The following DCC variants were observed in gnomAD, a reference collection of about 807,000 sequenced individuals.
DCC encodes DCC netrin 1 receptor.
DCC carries 58 observed loss-of-function variants against 172.5 expected under a neutral mutation model. That is an observed-to-expected ratio of 0.34 (90% CI 0.27 to 0.42). DCC has a LOEUF of 0.42. Ranked by LOEUF, DCC falls within the 10% of genes least tolerant of loss-of-function variation. The pLI is 1.00. For missense variants in DCC, 1,740 were observed against 1,791.0 expected (o/e 0.97, Z 0.51); for synonymous variants, 709 against 644.5 (o/e 1.10, Z -1.52).
At chr18:53,130,977 T>C (rs2043642985) in intron 7 of DCC, among the ~76,000 whole-genome samples, 1 of 152,134 alleles carries the variant, frequency 6.6e-6, no homozygotes, top group Non-Finnish European at 1.5e-5. Context: ...AAAACTGTAT[T>C]TGCTGATGAA....
chr18:52,725,828 C>T (rs2036543706), intron 1 of DCC, among the ~76,000 whole-genome samples: 1 of 152,184 alleles, frequency 6.6e-6, no homozygotes, highest in Non-Finnish European at 1.5e-5. Flanking sequence ...GATCAGTTCA[C>T]ACTTGAGTCA....
intron 1 of DCC, among the ~76,000 whole-genome samples, chr18:52,385,222 G>A (rs150433670): frequency 5.8e-4 from 89 of 152,232 alleles, no homozygotes; most frequent in African/African-American, 2.0e-3. Context: ...AGTGGAATGT[G>A]TGGTATGAAA....
chr18:53,062,279 G>T (rs968606326), intron 5 of DCC, among the ~76,000 whole-genome samples: 58 of 152,062 alleles, frequency 3.8e-4, no homozygotes, highest in Non-Finnish European at 1.6e-4. Flanking sequence ...TCAGGAGAAA[G>T]TTTTTCTGAT....
chr18:52,631,968 T>C (rs2034686252), intron 1 of DCC, among the ~76,000 whole-genome samples: 1 of 152,196 alleles, frequency 6.6e-6, no homozygotes, highest in African/African-American at 2.4e-5. Flanking sequence ...TTCCAGAGTC[T>C]TTCTCTCCAA....
At chr18:53,413,761 T>C (rs1214328993) in intron 20 of DCC, among the ~76,000 whole-genome samples, 1 of 152,168 alleles carries the variant, frequency 6.6e-6, no homozygotes, top group East Asian at 1.9e-4. Context: ...CACCTAAATA[T>C]GAGATGCTGA....
chr18:52,554,310 A>G (rs2032852684), intron 1 of DCC, among the ~76,000 whole-genome samples: 1 of 152,134 alleles, frequency 6.6e-6, no homozygotes, highest in Non-Finnish European at 1.5e-5. Context: ...GTTTATCCTG[A>G]TTAACATTTC....
intron 1 of DCC, among the ~76,000 whole-genome samples, chr18:52,671,532 C>CT (rs761856360): frequency 0.048 from 5,667 of 116,984 alleles, 206 homozygotes; most frequent in East Asian, 0.069. Context: ...ATATGCCAAC[C>CT]TTTTTTTTTT....
intron 1 of DCC, among the ~76,000 whole-genome samples, chr18:52,664,629 C>T (rs1274863891): frequency 1.3e-5 from 2 of 151,704 alleles, no homozygotes; most frequent in African/African-American, 4.8e-5. Context: ...CGCCACCATG[C>T]CCGGCTGATT....
At chr18:52,835,833 G>A (rs28630913) in intron 2 of DCC, among the ~76,000 whole-genome samples, 1 of 151,868 alleles carries the variant, frequency 6.6e-6, no homozygotes. Context: ...TTTCACCTAG[G>A]CATAACATTT....
intron 2 of DCC, among the ~76,000 whole-genome samples, chr18:52,812,891 T>G (rs1479293028): frequency 3.9e-5 from 6 of 152,190 alleles, no homozygotes; most frequent in Non-Finnish European, 8.8e-5. Context: ...TGGGTAAAGA[T>G]AGGCCAGAAT....
intron 21 of DCC, among the ~76,000 whole-genome samples, chr18:53,422,140 C>T (rs867320581): frequency 2.0e-5 from 3 of 152,162 alleles, no homozygotes; most frequent in African/African-American, 7.2e-5. Context: ...CCCAAAACTT[C>T]AAGGACCTGG....
intron 1 of DCC, among the ~76,000 whole-genome samples, chr18:52,427,566 T>A (rs994494392): frequency 6.6e-6 from 1 of 151,950 alleles, no homozygotes; most frequent in African/African-American, 2.4e-5. Flanking sequence ...AAGACAAATA[T>A]ACTCCCAATC....
At chr18:52,575,998 A>G (rs1568236886) in intron 1 of DCC, among the ~76,000 whole-genome samples, 12 of 152,146 alleles carry the variant, frequency 7.9e-5, no homozygotes. Context: ...CTCTCTCCAG[A>G]CTTCTTCATC....
At chr18:53,288,809 T>G (rs2056964840) in intron 12 of DCC, among the ~76,000 whole-genome samples, 2 of 152,162 alleles carry the variant, frequency 1.3e-5, no homozygotes, top group African/African-American at 4.8e-5. Flanking sequence ...TTAACTTATC[T>G]GAACTTTAGT....
At chr18:53,152,788 G>A (rs1326821701) in intron 7 of DCC, among the ~76,000 whole-genome samples, 1 of 152,204 alleles carries the variant, frequency 6.6e-6, no homozygotes, top group East Asian at 1.9e-4. Context: ...TTGAGAGAAA[G>A]CATGGAGGAT....
At chr18:53,128,870 C>CATAT (rs367907467) in intron 7 of DCC, among the ~76,000 whole-genome samples, 113 of 77,428 alleles carry the variant, frequency 1.5e-3, no homozygotes, top group East Asian at 7.2e-3. Context: ...CACACACACA[C>CATAT]ATATATATAT....
chr18:52,750,051 G>A (rs949858801), intron 1 of DCC, among the ~76,000 whole-genome samples: 5 of 152,142 alleles, frequency 3.3e-5, no homozygotes, highest in African/African-American at 4.8e-5. Context: ...AAGAGATCAC[G>A]TAGACATGGG....
At chr18:52,683,573 C>A (rs900092798) in intron 1 of DCC, among the ~76,000 whole-genome samples, 2 of 152,038 alleles carry the variant, frequency 1.3e-5, no homozygotes, top group Non-Finnish European at 2.9e-5. Flanking sequence ...TGGCCTATTA[C>A]CAAATGCTAA....
At chr18:53,319,342 A>G (rs905814451) in intron 13 of DCC, among the ~76,000 whole-genome samples, 4 of 152,198 alleles carry the variant, frequency 2.6e-5, no homozygotes, top group Non-Finnish European at 5.9e-5. Context: ...GTCAAGACCT[A>G]TTGATGTGCT....
Sources: gnomAD v4.1 joint callset for allele counts (sites outside exome capture counted in the v4.1 genomes callset) on GRCh38, gnomAD v4.1.1 for gene constraint, MANE v1.5 for transcripts, NCBI Gene and HGNC (gene_info 2026-07-23, HGNC 2026-07-21) for gene names.